The following DNAH6 variants were observed in gnomAD, a reference collection of about 807,000 sequenced individuals.
The protein encoded by DNAH6 is axonemal beta dynein heavy chain 6.
In DNAH6, 340 loss-of-function variants were observed where a neutral mutation model predicts 491.4. That is an observed-to-expected ratio of 0.69 (90% CI 0.63 to 0.76). The LOEUF is 0.76. DNAH6 is among the 30% of genes least tolerant of loss of function. The probability of loss-of-function intolerance (pLI) is 0.00; values close to 1 mark genes in which losing one functional copy is unlikely to be tolerated. For missense variants in DNAH6, 4,443 were observed against 4,972.2 expected, an observed-to-expected ratio of 0.89 and a Z score of 3.20; for synonymous variants, 1,603 against 1,686.1, an observed-to-expected ratio of 0.95 and a Z score of 1.21.
chr2:84,601,260 A>G (rs914590866), intron 18 of DNAH6, among the ~76,000 whole-genome samples: 4 of 151,830 alleles, frequency 2.6e-5, no homozygotes, highest in African/African-American at 9.7e-5. Flanking sequence ...GTAGTATTGT[A>G]TTATAACCCA....
chr2:84,674,379 A>G (rs962311253), intron 40 of DNAH6, among the ~76,000 whole-genome samples: 1 of 152,218 alleles, frequency 6.6e-6, no homozygotes, highest in East Asian at 1.9e-4. Context: ...ATCCAGGTAG[A>G]GCACTTTCTG....
intron 40 of DNAH6, among the ~76,000 whole-genome samples, chr2:84,674,833 C>A (rs1693077872): frequency 6.6e-6 from 1 of 152,138 alleles, no homozygotes; most frequent in South Asian, 2.1e-4. Context: ...CTCTGCCAAA[C>A]AAATCACATG....
At chr2:84,681,736 T>G (rs534525199) in intron 42 of DNAH6, among the ~76,000 whole-genome samples, 1 of 148,612 alleles carries the variant, frequency 6.7e-6, no homozygotes, top group South Asian at 2.1e-4. Context: ...TTACTTGTCT[T>G]TCACTGAAAA....
chr2:84,494,822 C>T, the DNAH6 span, among the ~76,000 whole-genome samples: 1 of 152,162 alleles, frequency 6.6e-6, no homozygotes, highest in Non-Finnish European at 1.5e-5. Context: ...TCCATGGCAG[C>T]ACTTCTAAAA....
chr2:84,512,695 T>C (rs1675382900), upstream of DNAH6, among the ~76,000 whole-genome samples: 1 of 152,224 alleles, frequency 6.6e-6, no homozygotes, highest in East Asian at 1.9e-4. Flanking sequence ...TAGGTGAACA[T>C]ATGTTTTAAT....
chr2:84,501,813 T>A, the DNAH6 span, among the ~76,000 whole-genome samples: 1 of 151,246 alleles, frequency 6.6e-6, no homozygotes, highest in South Asian at 2.1e-4. Flanking sequence ...TTTATTGGCA[T>A]GTAATTGGTC....
rs182701691 is a variant in DNAH6, at chr2:84,706,529, C to T, written c.8728-367C>T. 7.2e-5 allele frequency among the ~76,000 whole-genome samples: 11 copies of T among 152,182 alleles called. No homozygotes were observed. In the East Asian group the frequency reaches 2.1e-3, roughly 29 times the overall value. ...ATTTGACCTGCAGGCCATAGTGTGC[C>T]GACCTCTGATGTGGAGAACTAGTTA... is the stretch of plus-strand genomic sequence containing the variant. On this transcript the variant is annotated intron_variant, in intron 52 of 76. Coordinates refer to ENST00000389394, the MANE Select transcript of DNAH6 (RefSeq NM_001370.2).
intron 64 of DNAH6, among the ~76,000 whole-genome samples, chr2:84,768,535 A>G (rs1675302542): frequency 6.6e-6 from 1 of 152,098 alleles, no homozygotes; most frequent in African/African-American, 2.4e-5. Flanking sequence ...GCATTTCTGA[A>G]TAGTCCAATA....
intron 14 of DNAH6, among the ~76,000 whole-genome samples, chr2:84,582,252 C>T (rs1242552622): frequency 6.6e-6 from 1 of 150,900 alleles, no homozygotes; most frequent in Non-Finnish European, 1.5e-5. Context: ...TACAAAAAGG[C>T]CTCTCTCCTT....
At chr2:84,696,887 A>C (rs1356448031) in intron 46 of DNAH6, among the ~76,000 whole-genome samples, 2 of 152,148 alleles carry the variant, frequency 1.3e-5, no homozygotes, top group Admixed American at 1.3e-4. Flanking sequence ...GTTTAGACTG[A>C]CTTTTTAATG....
chr2:84,716,140 C>CATATATATACATATATATATATACATAT (rs1697514221), intron 58 of DNAH6, among the ~76,000 whole-genome samples: 1 of 148,702 alleles, frequency 6.7e-6, no homozygotes, highest in Non-Finnish European at 1.5e-5. Context: ...CATATATACC[C>CATATATATACATATATATATATACATAT]ATATATATAC....
chr2:84,579,777 G>A, intron 14 of DNAH6, 98 bp downstream of exon 14: 1 of 1,029,568 alleles, frequency 9.7e-7, no homozygotes, highest in African/African-American at 1.6e-5. Flanking sequence ...GCAAAAGACA[G>A]CTGTCAAATA....
At chr2:84,498,284 T>A in the DNAH6 span, among the ~76,000 whole-genome samples, 2 of 152,198 alleles carry the variant, frequency 1.3e-5, no homozygotes, top group African/African-American at 4.8e-5. Flanking sequence ...TCAAACTCAC[T>A]TTTTTGGCAG....
At chr2:84,713,430 T>C (rs1697239570) in intron 57 of DNAH6, among the ~76,000 whole-genome samples, 171 bp downstream of exon 57, 2 of 152,256 alleles carry the variant, frequency 1.3e-5, no homozygotes, top group South Asian at 4.1e-4. Context: ...CTTCTGAGCT[T>C]TGATTCTGAT....
chr2:84,479,570 G>A, the DNAH6 span, among the ~76,000 whole-genome samples: 2 of 152,316 alleles, frequency 1.3e-5, no homozygotes, highest in South Asian at 4.1e-4. Flanking sequence ...TGAAATTTCT[G>A]GAAAGAACCA....
chr2:84,576,451 G>A (rs879581947), intron 12 of DNAH6, among the ~76,000 whole-genome samples: 9 of 152,036 alleles, frequency 5.9e-5, no homozygotes, highest in Non-Finnish European at 1.3e-4. Context: ...GGGTGGTGGA[G>A]GAAGATTATG....
At chr2:84,532,503 C>A (rs1677272329) in intron 4 of DNAH6, among the ~76,000 whole-genome samples, 1 of 152,072 alleles carries the variant, frequency 6.6e-6, no homozygotes, top group Non-Finnish European at 1.5e-5. Context: ...CATGTTATTA[C>A]CAAACTCCTT....
chr2:84,517,746 C>G, intron 1 of DNAH6, 73 bp from the exon 2 acceptor site: 1 of 1,177,306 alleles, frequency 8.5e-7, no homozygotes, highest in Non-Finnish European at 1.2e-6. Flanking sequence ...CCTTAAGTCC[C>G]TCTCCAGTAG....
chr2:84,775,929 T>C (rs998743353), intron 64 of DNAH6, among the ~76,000 whole-genome samples: 1 of 152,194 alleles, frequency 6.6e-6, no homozygotes, highest in African/African-American at 2.4e-5. Flanking sequence ...TAGTTAGTGG[T>C]CTATCAATCT....
Sources: gnomAD v4.1 joint callset for allele counts (sites outside exome capture counted in the v4.1 genomes callset) on GRCh38, gnomAD v4.1.1 for gene constraint, MANE v1.5 for transcripts, NCBI Gene and HGNC (gene_info 2026-07-23, HGNC 2026-07-21) for gene names.